GOLGA4: variants seen among roughly 807,000 people sequenced by gnomAD.
GOLGA4 encodes the protein golgin subfamily A member 4.
In GOLGA4, 169 loss-of-function variants were observed where a neutral mutation model predicts 265.9. That is an observed-to-expected ratio of 0.64 (90% CI 0.56 to 0.72). The LOEUF (loss-of-function observed/expected upper bound fraction) is 0.72, where lower values mean the gene tolerates loss of function less well. Among genes scored for constraint, GOLGA4 ranks in the 30% least tolerant of loss-of-function variants. The pLI is 0.00. For missense variants in GOLGA4, 2,482 were observed against 2,483.4 expected (o/e 1.00, Z 0.01); for synonymous variants, 923 against 855.8 (o/e 1.08, Z -1.37).
intron 18 of GOLGA4, 69 bp from the exon 19 acceptor site, chr3:37,337,597 A>C: frequency 1.0e-6 from 1 of 988,966 alleles, no homozygotes; most frequent in Non-Finnish European, 1.6e-6. Flanking sequence ...ATTTCCAAGC[A>C]GTGCAGAAAT....
intron 19 of GOLGA4, among the ~76,000 whole-genome samples, chr3:37,339,676 T>C (rs2097026363): frequency 6.6e-6 from 1 of 152,250 alleles, no homozygotes; most frequent in Non-Finnish European, 1.5e-5. Flanking sequence ...TGGCCATTTA[T>C]ATGTCTTCTT....
intron 2 of GOLGA4, among the ~76,000 whole-genome samples, chr3:37,265,382 T>G (rs1275491242): frequency 6.6e-6 from 1 of 152,222 alleles, no homozygotes; most frequent in Non-Finnish European, 1.5e-5. Context: ...GTACATACTT[T>G]AGAGAAAAAT....
Position 37,327,286 on chromosome 3 carries a change from G to A in GOLGA4, c.5400G>A (p.Glu1800=). ...DQSMIGHLQE[E]LEEKNKKYSL... The stretch of plus-strand genomic sequence containing the variant: ...GTATGATAGGTCATCTTCAAGAGGA[G>A]CTTGAAGAAAAAAACAAGAAATATT... The change falls in exon 14 of 24, where the codon GAG becomes GAA. Residue 1800 remains glutamate (E), a synonymous_variant. Transcript: ENST00000361924. 1 of 1,613,030 alleles carries A rather than the reference G, an allele frequency of 6.2e-7. No individual in the cohort carries two copies. Among genetic ancestry groups the A allele is most frequent in the Non-Finnish European group, 8.5e-7 (1 of 1,179,180 alleles).
At position 37,356,068 on chromosome 3, in the gene GOLGA4, C is replaced by T. The variant is rs369141344; in HGVS notation, c.6663+881C>T. On this transcript the variant is annotated intron_variant, in intron 22 of 23. Transcript: ENST00000361924. ...GCCAGTAAGTCCCAAAGTATCTCAT[C>T]GTATCCTAACAGATTGTTTTCTTAC... is the stretch of plus-strand genomic sequence containing the variant. Among the ~76,000 whole-genome samples, 113 of 152,226 alleles carry T rather than the reference C, an allele frequency of 7.4e-4. 4 individuals are homozygous for T. In the South Asian group the frequency reaches 0.023, roughly 31 times the overall value.
chr3:37,263,715 G>A (rs756283883), intron 2 of GOLGA4, among the ~76,000 whole-genome samples: 13 of 152,168 alleles, frequency 8.5e-5, no homozygotes, highest in Non-Finnish European at 1.3e-4. Flanking sequence ...ATATATATGA[G>A]AGTATGAGAC....
intron 2 of GOLGA4, chr3:37,276,150 G>C: frequency 4.4e-6 from 7 of 1,604,370 alleles, no homozygotes; most frequent in Non-Finnish European, 5.1e-6. Flanking sequence ...GCAGCTCTTC[G>C]AACAGGGGAT....
chr3:37,342,332 C>T (rs1261275948), intron 20 of GOLGA4, among the ~76,000 whole-genome samples: 1 of 152,040 alleles, frequency 6.6e-6, no homozygotes, highest in Non-Finnish European at 1.5e-5. Flanking sequence ...CAACAGAGTG[C>T]AACTCTGTCT....
intron 11 of GOLGA4, 58 bp from the exon 12 acceptor site, chr3:37,319,005 G>T (rs2096946288): frequency 2.6e-6 from 3 of 1,171,526 alleles, no homozygotes; most frequent in Non-Finnish European, 3.7e-6. Context: ...TTATTTAGTT[G>T]TGGAGTTACA....
At chr3:37,319,907 C>T (rs193024127) in intron 12 of GOLGA4, 48 of 152,256 alleles carry the variant, frequency 3.2e-4, no homozygotes, top group Non-Finnish European at 6.5e-4. Flanking sequence ...GAAGCAGTGA[C>T]TGCATAATTC....
Position 37,302,318 on chromosome 3 carries a change from A to G in GOLGA4, c.1220A>G (p.Lys407Arg). 1 of 1,613,516 alleles carries G rather than the reference A, an allele frequency of 6.2e-7. No individual in the cohort carries two copies. The highest frequency in any genetic ancestry group is 8.5e-7 in the Non-Finnish European group (1 of 1,179,636). ...GAGGAATTACGGGAACAGAAAGAAA[A>G]GTCCGAAAGAGCTGGTAAGAACTTG... is the stretch of plus-strand genomic sequence containing the variant. ...QGEELREQKE[K>R]SERAAFEELE... The change falls in exon 10 of 24, where the codon AAG becomes AGG. Residue 407 changes from lysine (K) to arginine (R), a missense_variant. Physicochemically the swap from Lys to Arg is conservative, Grantham distance 26. Transcript: ENST00000361924.
rs192679631 is a variant in GOLGA4, at chr3:37,340,074, A to G, written c.6397-50A>G. ...TGACAGCAATCTTTCTTTTTCTTACATACAGTTTCCCTGTGAATCTTATAT... is the reference window on the plus strand; with the variant it reads ...TGACAGCAATCTTTCTTTTTCTTACGTACAGTTTCCCTGTGAATCTTATAT... On this transcript the variant is annotated intron_variant, in intron 19 of 23. Transcript: ENST00000361924. 1.4e-4 allele frequency: 107 copies of G among 774,496 alleles called. No individual in the cohort carries two copies. The East Asian group carries it at 2.8e-3, about 20-fold the overall frequency. The allele number at this position is 774,496 out of a possible 1,614,324, so 48.0% of individuals were successfully genotyped here.
chr3:37,339,898 AT>A (rs201899758), intron 19 of GOLGA4, among the ~76,000 whole-genome samples: 5,856 of 150,872 alleles, frequency 0.039, 144 homozygotes, highest in African/African-American at 0.056. Context: ...TAATTTATGT[AT>A]TTTTTTCTTT....
chr3:37,361,157 A>G (rs1172899188), intron 22 of GOLGA4, 86 bp from the exon 23 acceptor site: 13 of 1,031,038 alleles, frequency 1.3e-5, no homozygotes, highest in African/African-American at 4.7e-5. Flanking sequence ...CTGTAATCCT[A>G]TGAACTTCAT....
intron 20 of GOLGA4, among the ~76,000 whole-genome samples, chr3:37,344,913 G>A (rs2097051264): frequency 6.6e-6 from 1 of 152,142 alleles, no homozygotes. Flanking sequence ...GGTATTTAAT[G>A]TCTGTCAGTA....
Position 37,319,087 on chromosome 3 carries a change from A to G in GOLGA4, c.1438A>G (p.Lys480Glu). 1.2e-6 allele frequency: 2 copies of G among 1,600,966 alleles called. No homozygotes were observed. Among genetic ancestry groups the G allele is most frequent in the Non-Finnish European group, 1.7e-6 (2 of 1,174,320 alleles). Residue 480 changes from lysine to glutamate, a missense_variant, in exon 12 of 24, where the codon AAG (lysine) becomes GAG (glutamate). By Grantham distance (56) the Lys-to-Glu change is moderately conservative (BLOSUM62 1). This residue lies in a region of GOLGA4 where 1,536 missense variants were observed against 1,483.7 expected (regional missense o/e 1.04). Transcript: ENST00000361924. ...MKKSSEEQIAKLQKLHEKELA... is the reference protein window; with the variant it reads ...MKKSSEEQIAELQKLHEKELA... ...GAAATCCTCAGAAGAACAAATTGCT[A>G]AGCTACAGAAGCTTCATGAAAAGGA...
Position 37,299,887 on chromosome 3 carries a change from A to C in GOLGA4, c.1086+516A>C, listed in dbSNP as rs775023002. Among the ~76,000 whole-genome samples the C allele has an allele frequency of 3.6e-3, 462 of 128,720 alleles. 1 individual carries two copies. Among genetic ancestry groups the C allele is most frequent in the Non-Finnish European group, 6.2e-3 (366 of 58,852 alleles). The allele number at this position is 128,720 out of a possible 152,430, so 84.4% of individuals were successfully genotyped here. On this transcript the variant is annotated intron_variant, in intron 9 of 23. Coordinates refer to ENST00000361924, the MANE Select transcript of GOLGA4 (RefSeq NM_002078.5). ...CAGTAAAGCAAGACCTCCTCTCTAC[A>C]AAAAAAAAAAAAAATTAGCTGGGTA...
At chr3:37,278,969 C>A (rs1437001060) in intron 2 of GOLGA4, among the ~76,000 whole-genome samples, 1 of 151,970 alleles carries the variant, frequency 6.6e-6, no homozygotes, top group Non-Finnish European at 1.5e-5. Context: ...TCAGCCATCA[C>A]GTCTGGCTTG....
At chr3:37,337,871 G>C in intron 19 of GOLGA4, 137 bp downstream of exon 19, 1 of 593,588 alleles carries the variant, frequency 1.7e-6, no homozygotes, top group Admixed American at 2.9e-5. Context: ...AAATCCAAAG[G>C]TACTAGAGGT....
chr3:37,357,767 C>T lies in GOLGA4; in HGVS notation c.6663+2580C>T, dbSNP rs531137553. Among the ~76,000 whole-genome samples, 16 of 152,324 alleles carry T rather than the reference C, an allele frequency of 1.1e-4. No homozygotes were observed. The East Asian group carries it at 3.1e-3, about 29-fold the overall frequency. Reference sequence around the variant, plus strand: ...TTTCAGCTAATTTCATATCCCTGTCCATTGAGCTGTAGCTCGCTAGAACAA... The same window carrying T: ...TTTCAGCTAATTTCATATCCCTGTCTATTGAGCTGTAGCTCGCTAGAACAA... On this transcript the variant is annotated intron_variant, in intron 22 of 23. Coordinates refer to ENST00000361924, the MANE Select transcript of GOLGA4 (RefSeq NM_002078.5).
Sources: allele counts gnomAD v4.1 joint callset (sites outside exome capture counted in the v4.1 genomes callset), GRCh38; gene constraint gnomAD v4.1.1; regional missense constraint gnomAD v4.1.1; transcripts MANE v1.5; gene names NCBI Gene and HGNC (gene_info 2026-07-23, HGNC 2026-07-21).